RIMS1: variants seen among roughly 807,000 people sequenced by gnomAD.
The protein encoded by RIMS1 is regulating synaptic membrane exocytosis 1.
A neutral mutation model predicts 214.1 loss-of-function variants in RIMS1; 83 were observed. That is an observed-to-expected ratio of 0.39 (90% CI 0.32 to 0.47). The LOEUF is 0.47. Among genes scored for constraint, RIMS1 ranks in the 20% least tolerant of loss-of-function variants. The probability of loss-of-function intolerance (pLI) is 0.99; values close to 1 mark genes in which losing one functional copy is unlikely to be tolerated. For synonymous variants in RIMS1, 793 were observed against 786.8 expected (o/e 1.01, Z -0.13); for missense variants, 2,050 against 2,161.8 (o/e 0.95, Z 1.03).
At position 72,239,795 on chromosome 6, in the gene RIMS1, A is replaced by G. The variant is rs75360476; in HGVS notation, c.1957+1873A>G. On this transcript the variant is annotated intron_variant, in intron 9 of 33. Coordinates refer to ENST00000521978, the MANE Select transcript of RIMS1 (RefSeq NM_014989.7). ...TCAAAGCTCTGTAGCCTTGTCCTCTACTAACACTTTCAGCTGTCCAGGATG... is the reference window on the plus strand; with the variant it reads ...TCAAAGCTCTGTAGCCTTGTCCTCTGCTAACACTTTCAGCTGTCCAGGATG... 3.6e-3 allele frequency among the ~76,000 whole-genome samples: 542 copies of G among 152,214 alleles called. 2 individuals carry two copies. The highest frequency in any genetic ancestry group is 5.6e-3 in the Non-Finnish European group (378 of 67,998).
intron 4 of RIMS1, among the ~76,000 whole-genome samples, chr6:72,174,045 A>G (rs2047391810): frequency 6.6e-6 from 1 of 151,974 alleles, no homozygotes; most frequent in Non-Finnish European, 1.5e-5. Flanking sequence ...CTCTCCTGCC[A>G]TAGTATCTGC....
At chr6:72,376,895 C>T (rs1249406041) in intron 29 of RIMS1, among the ~76,000 whole-genome samples, 1 of 152,114 alleles carries the variant, frequency 6.6e-6, no homozygotes, top group East Asian at 1.9e-4. Context: ...ATAGTTCCTT[C>T]AAATGGATCA....
chr6:72,247,441 A>G (rs990328530), intron 11 of RIMS1, among the ~76,000 whole-genome samples: 17 of 151,578 alleles, frequency 1.1e-4, no homozygotes, highest in Admixed American at 4.0e-4. Context: ...AGGCTGAGGC[A>G]GAAGAATTGC....
intron 2 of RIMS1, among the ~76,000 whole-genome samples, chr6:72,004,750 T>A (rs1445498443): frequency 5.3e-5 from 8 of 151,694 alleles, no homozygotes; most frequent in South Asian, 2.1e-4. Flanking sequence ...GTTTGAGTTC[T>A]TTGTAGATTC....
chr6:71,912,503 G>C lies in RIMS1; in HGVS notation c.164+25316G>C, dbSNP rs528634233. Among the ~76,000 whole-genome samples the C allele has an allele frequency of 2.2e-4, 34 of 152,218 alleles. No homozygotes were observed. The South Asian group carries it at 7.0e-3, about 32-fold the overall frequency. On this transcript the variant is annotated intron_variant, in intron 1 of 33. Coordinates refer to ENST00000521978, the MANE Select transcript of RIMS1 (RefSeq NM_014989.7). ...TAAATTGTAATAGTTTATAAAGCCT[G>C]AGTGTCTTTAATGACTTTTTTCATA... is the stretch of plus-strand genomic sequence containing the variant.
At chr6:72,201,053 G>A (rs1211224098) in intron 6 of RIMS1, among the ~76,000 whole-genome samples, 2 of 151,952 alleles carry the variant, frequency 1.3e-5, no homozygotes, top group South Asian at 2.1e-4. Context: ...GAGTTATGAC[G>A]AAACATAAGT....
intron 29 of RIMS1, chr6:72,366,702 G>C: frequency 3.0e-6 from 3 of 985,620 alleles, no homozygotes; most frequent in Non-Finnish European, 2.4e-6. Context: ...GGGAGGAGGA[G>C]AGAGAATGGG....
intron 1 of RIMS1, among the ~76,000 whole-genome samples, chr6:71,924,529 C>T (rs556945322): frequency 2.0e-5 from 3 of 150,974 alleles, no homozygotes; most frequent in African/African-American, 7.3e-5. Flanking sequence ...CGTGGTGGCT[C>T]ACGCTTGTAA....
At chr6:72,197,620 TG>T (rs1385238354) in intron 6 of RIMS1, among the ~76,000 whole-genome samples, 2 of 152,116 alleles carry the variant, frequency 1.3e-5, no homozygotes, top group Admixed American at 6.6e-5. Flanking sequence ...CAAAGGTGAC[TG>T]GACAAAATAC....
At chr6:72,296,120 A>G (rs1274938805) in intron 26 of RIMS1, among the ~76,000 whole-genome samples, 1 of 151,854 alleles carries the variant, frequency 6.6e-6, no homozygotes, top group African/African-American at 2.4e-5. Flanking sequence ...GATATTAATT[A>G]TTTCATATTC....
At chr6:72,227,592 GCCT>G (rs1228204435) in intron 6 of RIMS1, among the ~76,000 whole-genome samples, 15 of 151,770 alleles carry the variant, frequency 9.9e-5, no homozygotes, top group Non-Finnish European at 2.2e-4. Flanking sequence ...AAAAAGTACT[GCCT>G]CTACCAAATA....
chr6:72,028,769 A>G, intron 2 of RIMS1, among the ~76,000 whole-genome samples: 1 of 152,216 alleles, frequency 6.6e-6, no homozygotes, highest in East Asian at 1.9e-4. Context: ...TTATTTTACC[A>G]AACATACAGA....
chr6:72,100,196 CATG>C (rs2033195326), intron 4 of RIMS1, among the ~76,000 whole-genome samples: 1 of 151,994 alleles, frequency 6.6e-6, no homozygotes, highest in Non-Finnish European at 1.5e-5. Flanking sequence ...AGTTTGAGTT[CATG>C]ATGACAGTGA....
At chr6:72,207,760 A>G (rs1207333605) in intron 6 of RIMS1, among the ~76,000 whole-genome samples, 1 of 152,076 alleles carries the variant, frequency 6.6e-6, no homozygotes, top group Non-Finnish European at 1.5e-5. Flanking sequence ...AGGCAAAACA[A>G]ACAAACAAAC....
intron 29 of RIMS1, among the ~76,000 whole-genome samples, chr6:72,380,385 T>G (rs1200743642): frequency 6.6e-6 from 1 of 152,184 alleles, no homozygotes; most frequent in Non-Finnish European, 1.5e-5. Context: ...ACCCTAGAAC[T>G]TAAAGTATAA....
intron 4 of RIMS1, among the ~76,000 whole-genome samples, chr6:72,120,106 A>G (rs1002183825): frequency 1.3e-5 from 2 of 151,878 alleles, no homozygotes; most frequent in African/African-American, 4.8e-5. Flanking sequence ...TAGTGTCCCA[A>G]TAAACATATG....
chr6:71,995,484 A>T (rs991897689), intron 2 of RIMS1, among the ~76,000 whole-genome samples: 1 of 96,552 alleles, frequency 1.0e-5, no homozygotes, highest in Non-Finnish European at 2.2e-5. Context: ...GTGTGTGTGT[A>T]TGTTTGTGTC....
At chr6:72,330,585 A>C (rs1010691392) in intron 28 of RIMS1, among the ~76,000 whole-genome samples, 2 of 151,850 alleles carry the variant, frequency 1.3e-5, no homozygotes, top group Non-Finnish European at 2.9e-5. Context: ...CAAAATGTAA[A>C]ACAAAGGACC....
At chr6:72,096,888 T>G in intron 2 of RIMS1, 61 bp from the exon 3 acceptor site, 1 of 1,350,382 alleles carries the variant, frequency 7.4e-7, no homozygotes, top group Non-Finnish European at 1.0e-6. Flanking sequence ...CTTGTTTTGT[T>G]TGTTCTTGGT....
Sources: gnomAD v4.1 joint callset for allele counts (sites outside exome capture counted in the v4.1 genomes callset) on GRCh38, gnomAD v4.1.1 for gene constraint, MANE v1.5 for transcripts, NCBI Gene and HGNC (gene_info 2026-07-23, HGNC 2026-07-21) for gene names.